The following ZZEF1 variants were observed in gnomAD, a reference collection of about 807,000 sequenced individuals.
ZZEF1 encodes zinc finger ZZ-type and EF-hand domain-containing protein 1.
ZZEF1 carries 157 observed loss-of-function variants against 342.8 expected under a neutral mutation model. The ratio of observed to expected loss-of-function variants is 0.46; its 90% CI spans 0.40 to 0.52. The LOEUF is 0.52. Among genes scored for constraint, ZZEF1 ranks in the 20% least tolerant of loss-of-function variants. The pLI is 0.00. For synonymous variants in ZZEF1, 1,505 were observed against 1,429.1 expected (o/e 1.05, Z -1.20); for missense variants, 3,480 against 3,725.6 (o/e 0.93, Z 1.72).
At chr17:4,113,860 G>C (rs1242691641) in intron 4 of ZZEF1, among the ~76,000 whole-genome samples, 1 of 150,858 alleles carries the variant, frequency 6.6e-6, no homozygotes, top group Non-Finnish European at 1.5e-5. Flanking sequence ...AAATCCCAGC[G>C]ACTGAGACTG....
intron 31 of ZZEF1, among the ~76,000 whole-genome samples, chr17:4,058,667 G>A (rs9891510): frequency 0.057 from 8,660 of 152,190 alleles, 823 homozygotes; most frequent in African/African-American, 0.2. Flanking sequence ...TTGAGCCCAG[G>A]AGCTCAAGGC....
intron 11 of ZZEF1, among the ~76,000 whole-genome samples, chr17:4,092,091 T>TAAA (rs756035690): frequency 0.071 from 9,877 of 139,562 alleles, 462 homozygotes; most frequent in South Asian, 0.14. Context: ...AAAAAAAAAA[T>TAAA]AATAAAAATA....
At chr17:4,136,019 G>A (rs2058741734) in intron 1 of ZZEF1, among the ~76,000 whole-genome samples, 3 of 122,574 alleles carry the variant, frequency 2.4e-5, no homozygotes, top group South Asian at 2.7e-4. Context: ...TTTTTGAGAC[G>A]GTGTCTCGCT....
Position 4,051,961 on chromosome 17 carries a change from T to C in ZZEF1, c.5600+10A>G, listed in dbSNP as rs772322157. 1 of 1,611,148 alleles carries C rather than the reference T, an allele frequency of 6.2e-7. No homozygotes were observed. Among genetic ancestry groups the C allele is most frequent in the East Asian group, 2.2e-5 (1 of 44,750 alleles). ...AAAAGGCTTGGTGGCGACGGTCACTTGAGACATACCCGTAGGAGTATTTCT... is the reference window on the plus strand; with the variant it reads ...AAAAGGCTTGGTGGCGACGGTCACTCGAGACATACCCGTAGGAGTATTTCT... On this transcript the variant is annotated intron_variant, in intron 35 of 54. Coordinates refer to ENST00000381638, the MANE Select transcript of ZZEF1 (RefSeq NM_015113.4).
In ZZEF1 at chr17:4,056,354, A is replaced by C. The variant is rs1192164560; in HGVS notation, c.5166-9T>G. 1 of 1,577,172 alleles carries C rather than the reference A, an allele frequency of 6.3e-7. No homozygotes were observed. The highest frequency in any genetic ancestry group is 1.2e-5 in the South Asian group (1 of 83,164). ...CTTCTTCACTCCATTGGCTGAAAGA[A>C]GGACATAAAGAGAGAAAAGCATGCC... On this transcript the variant is annotated splice_polypyrimidine_tract_variant and intron_variant, in intron 32 of 54. Transcript: ENST00000381638.
Position 4,044,314 on chromosome 17 carries a change from C to T in ZZEF1, c.6076G>A (p.Asp2026Asn). The T allele has an allele frequency of 6.2e-7, 1 of 1,614,114 alleles. No homozygotes were observed. The highest frequency in any genetic ancestry group is 8.5e-7 in the Non-Finnish European group (1 of 1,179,992). ...TCCTTCGATAATGATACACCTTTAT[C>T]TGCCTTATTTCTCTGCTTGAAATCT... ...PVDFKQRNKA[D>N]KGVSLSKDPS... The change falls in exon 38 of 55, where the codon GAT becomes AAT. Residue 2026 changes from aspartate to asparagine, a missense_variant. Transcript: ENST00000381638.
At chr17:4,010,719 C>A (rs535432048) in intron 52 of ZZEF1, among the ~76,000 whole-genome samples, 2 of 660 alleles carry the variant, frequency 3.0e-3, no homozygotes, top group Non-Finnish European at 7.0e-3. Context: ...TGTGAGATTC[C>A]GTCTCAAAAA....
In ZZEF1 at chr17:4,032,165, C is replaced by T; in HGVS notation, c.6853G>A (p.Ala2285Thr). The T allele has an allele frequency of 1.9e-6, 3 of 1,613,898 alleles. No individual in the cohort carries two copies. Residue 2285 changes from alanine (A) to threonine (T), a missense_variant, in exon 42 of 55, where the codon GCT (alanine) becomes ACT (threonine). This residue lies in a region of ZZEF1 where 1,269 missense variants were observed against 1,342.4 expected (regional missense o/e 0.95). Transcript: ENST00000381638. Reference sequence around the variant, plus strand: ...CGAGTTTTGACATCAACAATCACAGCCCTGTTCTTCTCAGTAAAGTGCTTC... The same window carrying T: ...CGAGTTTTGACATCAACAATCACAGTCCTGTTCTTCTCAGTAAAGTGCTTC... ...ILKHFTEKNR[A>T]VIVDVKTRKR...
intron 1 of ZZEF1, among the ~76,000 whole-genome samples, chr17:4,128,912 G>A (rs1203709037): frequency 6.6e-6 from 1 of 150,848 alleles, no homozygotes; most frequent in East Asian, 1.9e-4. Flanking sequence ...GGGATTACAA[G>A]CATGCGCCAC....
chr17:4,026,230 G>C (rs899924428), intron 42 of ZZEF1, among the ~76,000 whole-genome samples: 4 of 152,204 alleles, frequency 2.6e-5, no homozygotes, highest in African/African-American at 9.7e-5. Context: ...CCAACAGTGA[G>C]AGTGGAAGTG....
chr17:4,035,959 G>T (rs2056651644), intron 39 of ZZEF1, among the ~76,000 whole-genome samples: 1 of 151,878 alleles, frequency 6.6e-6, no homozygotes, highest in Non-Finnish European at 1.5e-5. Context: ...AATTAGCCGG[G>T]TGTAGTGGTT....
chr17:4,040,569 A>C (rs1356062367), intron 39 of ZZEF1, among the ~76,000 whole-genome samples: 1 of 152,350 alleles, frequency 6.6e-6, no homozygotes, highest in African/African-American at 2.4e-5. Context: ...ACTGTTAATT[A>C]AGAGAGAAAT....
intron 2 of ZZEF1, among the ~76,000 whole-genome samples, chr17:4,117,948 A>G (rs2058424964): frequency 6.6e-6 from 1 of 152,188 alleles, no homozygotes; most frequent in Non-Finnish European, 1.5e-5. Context: ...GTGCTTCCAC[A>G]TACATCATAT....
At chr17:4,013,854 A>G (rs888531632) in intron 51 of ZZEF1, among the ~76,000 whole-genome samples, 30 of 152,212 alleles carry the variant, frequency 2.0e-4, no homozygotes, top group Admixed American at 2.0e-3. Context: ...TAAGAGAATA[A>G]GCATCTTTTT....
At position 4,014,728 on chromosome 17, in the gene ZZEF1, G is replaced by A. The variant is rs1597755330; in HGVS notation, c.8146-213C>T. Among the ~76,000 whole-genome samples the A allele has an allele frequency of 1.3e-5, 2 of 152,310 alleles. No individual in the cohort carries two copies. Among genetic ancestry groups the A allele is most frequent in the South Asian group, 2.1e-4 (1 of 4,826 alleles). On this transcript the variant is annotated intron_variant, in intron 49 of 54. Coordinates refer to ENST00000381638, the MANE Select transcript of ZZEF1 (RefSeq NM_015113.4). The surrounding 1 kb of genome is among the most constrained non-coding windows in gnomAD (Gnocchi z 4.4). ...GAGGCACAGCGGGGCAGGCAACACG[G>A]GGCCCCAGAGAAAGAGTGTCAGGCT...
chr17:4,124,182 G>A (rs992209541), intron 1 of ZZEF1, 131 bp from the exon 2 acceptor site: 1 of 1,149,602 alleles, frequency 8.7e-7, no homozygotes, highest in Non-Finnish European at 1.2e-6. Flanking sequence ...GAGTCCATAT[G>A]TATCAACCAA....
chr17:4,078,184 G>T, intron 18 of ZZEF1, 142 bp from the exon 19 acceptor site: 1 of 817,244 alleles, frequency 1.2e-6, no homozygotes, highest in Non-Finnish European at 1.8e-6. Context: ...TTTCAACCCA[G>T]CAGTCACCAA....
At position 4,076,912 on chromosome 17, in the gene ZZEF1, C is replaced by G; in HGVS notation, c.3067G>C (p.Glu1023Gln). 6.2e-7 allele frequency: 1 copy of G among 1,614,190 alleles called. No homozygotes were observed. The highest frequency in any genetic ancestry group is 8.5e-7 in the Non-Finnish European group (1 of 1,180,028). ...FSQYSGKTIV[E>Q]RLCNSVFSMA... ...GAAAACACTGAGTTACATAATCTTTCTACTATGGTTTTTCCACTGTACTGT... is the reference window on the plus strand; with the variant it reads ...GAAAACACTGAGTTACATAATCTTTGTACTATGGTTTTTCCACTGTACTGT... The change falls in exon 20 of 55, where the codon GAA becomes CAA. Residue 1023 changes from glutamate to glutamine, a missense_variant. Physicochemically the swap from Glu to Gln is conservative, Grantham distance 29. Around this residue, in one of 5 missense-constraint regions of ZZEF1, gnomAD observed 1,528 missense variants for 1,624.1 expected, o/e 0.94. Transcript: ENST00000381638.
At chr17:4,135,396 A>G (rs913885670) in intron 1 of ZZEF1, among the ~76,000 whole-genome samples, 1 of 152,098 alleles carries the variant, frequency 6.6e-6, no homozygotes, top group Admixed American at 6.6e-5. Context: ...GAATTCCTTG[A>G]ACCTGGGAGG....
Sources: allele counts gnomAD v4.1 joint callset (sites outside exome capture counted in the v4.1 genomes callset), GRCh38; gene constraint gnomAD v4.1.1; regional missense constraint gnomAD v4.1.1; non-coding constraint Gnocchi (gnomAD v3.1); transcripts MANE v1.5; gene names NCBI Gene and HGNC (gene_info 2026-07-23, HGNC 2026-07-21).